Variants in FAM229B observed in about 807,000 individuals in gnomAD.
The protein encoded by FAM229B is protein FAM229B.
A neutral mutation model predicts 6.7 loss-of-function variants in FAM229B; 2 were observed. The ratio of observed to expected loss-of-function variants is 0.30; its 90% CI spans 0.12 to 0.94. The LOEUF (loss-of-function observed/expected upper bound fraction) is 0.94. FAM229B is among the 40% of genes least tolerant of loss of function. The pLI is 0.54. For missense variants in FAM229B, 93 were observed against 96.2 expected (o/e 0.97, Z 0.14); for synonymous variants, 29 against 34.0 (o/e 0.85, Z 0.51).
chr6:112,092,047 A>AT (rs1422103927), intron 1 of FAM229B, among the ~76,000 whole-genome samples: 2 of 152,230 alleles, frequency 1.3e-5, no homozygotes, highest in South Asian at 2.1e-4. Flanking sequence ...GAACAAAAAG[A>AT]TTTTTTTAAA....
chr6:112,098,569 T>G (rs1252231411), intron 2 of FAM229B, among the ~76,000 whole-genome samples: 3 of 152,180 alleles, frequency 2.0e-5, no homozygotes, highest in African/African-American at 7.2e-5. Context: ...GAAATATAGA[T>G]AAGTACCTTG....
rs1777412633 is a variant in FAM229B at position 112,102,535 on chromosome 6, G to GTCAACAA, written c.*1749_*1750insCAACAAT. The GTCAACAA allele has an allele frequency of 1.3e-5, 2 of 152,208 alleles. No individual in the cohort carries two copies. The highest frequency in any genetic ancestry group is 4.2e-4 in the South Asian group (2 of 4,818). 9.4% of individuals were successfully genotyped at this position (152,208 alleles called of 1,614,324 possible). A position where few individuals can be genotyped will look rare whatever the true frequency, so the allele number is the denominator to read the frequency against. Reference sequence around the variant, plus strand: ...TTCCTCAGAGCTCATACAAGGCTGGGTAGAATATGTGTTTCAACAATAGTG... The same window carrying GTCAACAA: ...TTCCTCAGAGCTCATACAAGGCTGGGTCAACAATAGAATATGTGTTTCAACAATAGTG... On this transcript the variant is annotated 3_prime_UTR_variant, in exon 4 of 4. Coordinates refer to ENST00000368656, the MANE Select transcript of FAM229B (RefSeq NM_001033564.3).
chr6:112,087,663 A>G lies in FAM229B; in HGVS notation c.-233A>G, dbSNP rs1777193137. 3 of 512,672 alleles carry G rather than the reference A, an allele frequency of 5.9e-6. No homozygotes were observed. The allele number at this position is 512,672 out of a possible 1,614,324, so 31.8% of individuals were successfully genotyped here. On this transcript the variant is annotated 5_prime_UTR_variant, in exon 1 of 4. Coordinates refer to ENST00000368656, the MANE Select transcript of FAM229B (RefSeq NM_001033564.3). ...ACTGGGCTTCTGGACTGTATATCCT[A>G]GCTGCCTTGTCAACATCTTCGAGCA...
At chr6:112,093,657 C>T (rs990670234) in intron 1 of FAM229B, among the ~76,000 whole-genome samples, 17 of 150,524 alleles carry the variant, frequency 1.1e-4, no homozygotes, top group African/African-American at 2.9e-4. Flanking sequence ...AGTCATACAA[C>T]GAATATTCTC....
chr6:112,096,361 C>T (rs1554318651), intron 1 of FAM229B, among the ~76,000 whole-genome samples: 4 of 152,144 alleles, frequency 2.6e-5, no homozygotes. Flanking sequence ...TCGAGACCAT[C>T]CTGGCTAACA....
In FAM229B at chr6:112,097,084, C is replaced by G. The variant is rs1777336181; in HGVS notation, c.-132C>G. ...AAAGAATCTCCTGATGTCATAATTT[C>G]CGGGTGTCACCGGAACATTTGATCA... On this transcript the variant is annotated 5_prime_UTR_variant, in exon 2 of 4. Coordinates refer to ENST00000368656, the MANE Select transcript of FAM229B (RefSeq NM_001033564.3). 6.6e-6 allele frequency: 1 copy of G among 152,176 alleles called. No individual in the cohort carries two copies. Among genetic ancestry groups the G allele is most frequent in the Non-Finnish European group, 1.5e-5 (1 of 68,036 alleles). The allele number at this position is 152,176 out of a possible 1,614,324, so 9.4% of individuals were successfully genotyped here.
In FAM229B at chr6:112,102,422, T is replaced by A. The variant is rs1777410885; in HGVS notation, c.*1635T>A. 1 of 152,072 alleles carries A rather than the reference T, an allele frequency of 6.6e-6. No individual in the cohort carries two copies. Among genetic ancestry groups the A allele is most frequent in the South Asian group, 2.1e-4 (1 of 4,826 alleles). 9.4% of individuals were successfully genotyped at this position (152,072 alleles called of 1,614,324 possible). On this transcript the variant is annotated 3_prime_UTR_variant, in exon 4 of 4. Transcript: ENST00000368656. ...ATAGCTTGAACCCAGGAGGCAGAGG[T>A]TGCAGTGAGCTGAGATTGCATCACT...
chr6:112,088,289 A>G (rs781941825), intron 1 of FAM229B, among the ~76,000 whole-genome samples: 1 of 152,356 alleles, frequency 6.6e-6, no homozygotes, highest in South Asian at 2.1e-4. Flanking sequence ...AGGCAGGAGA[A>G]GATTAAAAAG....
intron 2 of FAM229B, among the ~76,000 whole-genome samples, chr6:112,097,537 G>A (rs2114508739): frequency 6.6e-6 from 1 of 151,784 alleles, no homozygotes; most frequent in East Asian, 1.9e-4. Flanking sequence ...TGTACTAATA[G>A]CTGAAAACAT....
At chr6:112,094,384 CATTT>C (rs1777296245) in intron 1 of FAM229B, among the ~76,000 whole-genome samples, 1 of 152,048 alleles carries the variant, frequency 6.6e-6, no homozygotes, top group African/African-American at 2.4e-5. Flanking sequence ...TCTCAGACTC[CATTT>C]ATTTTCTGTT....
chr6:112,089,153 C>G (rs781351254), intron 1 of FAM229B, among the ~76,000 whole-genome samples: 1 of 152,072 alleles, frequency 6.6e-6, no homozygotes, highest in Non-Finnish European at 1.5e-5. Context: ...TTTTGGGGTG[C>G]AGTTTTATTG....
chr6:112,097,388 T>A (rs986292296), intron 2 of FAM229B, among the ~76,000 whole-genome samples, 187 bp downstream of exon 2: 1 of 152,250 alleles, frequency 6.6e-6, no homozygotes, highest in Admixed American at 6.5e-5. Context: ...TTTAGTTTTA[T>A]TATTAACACC....
rs1777336092 is a variant in FAM229B at position 112,097,081 on chromosome 6, T to G, written c.-135T>G. 6.6e-6 allele frequency: 1 copy of G among 152,240 alleles called. No homozygotes were observed. Among genetic ancestry groups the G allele is most frequent in the Admixed American group, 6.5e-5 (1 of 15,286 alleles). 9.4% of individuals were successfully genotyped at this position (152,240 alleles called of 1,614,324 possible). On this transcript the variant is annotated 5_prime_UTR_variant, in exon 2 of 4. Coordinates refer to ENST00000368656, the MANE Select transcript of FAM229B (RefSeq NM_001033564.3). ...GTGAAAGAATCTCCTGATGTCATAA[T>G]TTCCGGGTGTCACCGGAACATTTGA... is the stretch of plus-strand genomic sequence containing the variant.
rs781916072 is a variant in FAM229B, at chr6:112,100,592, A to C, written c.126-78A>C. 2.1e-5 allele frequency: 19 copies of C among 907,486 alleles called. 1 individual carries two copies. Among genetic ancestry groups the C allele is most frequent in the Middle Eastern group, 4.3e-4 (2 of 4,602 alleles). 56.2% of individuals were successfully genotyped at this position (907,486 alleles called of 1,614,324 possible). On this transcript the variant is annotated intron_variant, in intron 3 of 3. Transcript: ENST00000368656. The stretch of plus-strand genomic sequence containing the variant: ...AGTGATTTAAAACAGTTAAATATAC[A>C]ATCAAACTTTGGTGCTCTGAAAAAA...
chr6:112,090,907 A>G (rs1486303203), intron 1 of FAM229B, among the ~76,000 whole-genome samples: 3 of 152,184 alleles, frequency 2.0e-5, no homozygotes, highest in Non-Finnish European at 4.4e-5. Context: ...AATATATATT[A>G]TTAATAACTA....
chr6:112,087,798 TCAC>T (rs1247563876), intron 1 of FAM229B, 78 bp downstream of exon 1: 1 of 262,512 alleles, frequency 3.8e-6, no homozygotes, highest in Non-Finnish European at 7.2e-6. Context: ...TAATTTTTGT[TCAC>T]AGCCTCAACA....
At chr6:112,094,302 C>T (rs1554318456) in intron 1 of FAM229B, among the ~76,000 whole-genome samples, 2 of 152,144 alleles carry the variant, frequency 1.3e-5, no homozygotes, top group African/African-American at 2.4e-5. Context: ...TGATAGGCTT[C>T]CTTGTTCATA....
chr6:112,096,067 G>T (rs1777320980), intron 1 of FAM229B, among the ~76,000 whole-genome samples: 2 of 152,178 alleles, frequency 1.3e-5, no homozygotes, highest in African/African-American at 2.4e-5. Context: ...TATGAAAATT[G>T]AAAAACTGCT....
In FAM229B at chr6:112,087,634, A is replaced by G. The variant is rs964218488; in HGVS notation, c.-262A>G. ...TGCACTTGCGTGTCACCGTTACCGT[A>G]GCGACTGGGCTTCTGGACTGTATAT... On this transcript the variant is annotated 5_prime_UTR_variant, in exon 1 of 4. Transcript: ENST00000368656. The G allele has an allele frequency of 4.9e-6, 3 of 607,726 alleles. No individual in the cohort carries two copies. Among genetic ancestry groups the G allele is most frequent in the East Asian group, 2.8e-5 (1 of 35,460 alleles). The allele number at this position is 607,726 out of a possible 1,614,324, so 37.6% of individuals were successfully genotyped here.
Sources: gnomAD v4.1 joint callset for allele counts (sites outside exome capture counted in the v4.1 genomes callset) on GRCh38, gnomAD v4.1.1 for gene constraint, MANE v1.5 for transcripts, NCBI Gene and HGNC (gene_info 2026-07-23, HGNC 2026-07-21) for gene names.